Variants in ATG10 observed in about 807,000 individuals in gnomAD.
The protein encoded by ATG10 is ubiquitin-like-conjugating enzyme ATG10.
A neutral mutation model predicts 32.1 loss-of-function variants in ATG10; 30 were observed. The observed-to-expected ratio is 0.94, with a 90% CI of 0.70 to 1.27. The LOEUF is 1.27. Ranked by LOEUF, ATG10 falls within the 50% of genes most tolerant of loss-of-function variation. ATG10 has a pLI of 0.00. For synonymous variants in ATG10, 87 were observed against 91.5 expected (o/e 0.95, Z 0.28); for missense variants, 233 against 262.3 (o/e 0.89, Z 0.77).
intron 3 of ATG10, among the ~76,000 whole-genome samples, chr5:82,117,953 G>A (rs980477438): frequency 2.6e-5 from 4 of 152,054 alleles, no homozygotes; most frequent in African/African-American, 9.7e-5. Context: ...AGATAACAGA[G>A]TCATGATTGG....
intron 5 of ATG10, among the ~76,000 whole-genome samples, chr5:82,220,699 G>C (rs1745887182): frequency 6.7e-6 from 1 of 149,520 alleles, no homozygotes; most frequent in South Asian, 2.1e-4. Flanking sequence ...GCGTGATCTT[G>C]GCTCTCTGCA....
intron 3 of ATG10, among the ~76,000 whole-genome samples, chr5:82,082,683 G>A (rs944984631): frequency 1.3e-5 from 2 of 149,826 alleles, no homozygotes; most frequent in African/African-American, 4.9e-5. Context: ...TTTTTTAACT[G>A]AACTAAAATG....
At chr5:82,096,103 C>G (rs1342267959) in intron 3 of ATG10, among the ~76,000 whole-genome samples, 1 of 152,108 alleles carries the variant, frequency 6.6e-6, no homozygotes, top group Non-Finnish European at 1.5e-5. Context: ...CAAATAAAAA[C>G]ACTGGCACAT....
rs34443592 is a variant in ATG10, at chr5:82,090,062, T to TAA, written c.216+31471_216+31472dup. On this transcript the variant is annotated intron_variant, in intron 3 of 7. Transcript: ENST00000282185. ...TCACTACACACCTATCCAAATGCCT[T>TAA]AAAAAAAAAAAACCCAAAACCAAAC... Among the ~76,000 whole-genome samples the TAA allele has an allele frequency of 4.7e-3, 683 of 144,138 alleles. 2 individuals are homozygous for TAA. The highest frequency in any genetic ancestry group is 7.8e-3 in the Non-Finnish European group (515 of 65,808). The allele number at this position is 144,138 out of a possible 152,430, so 94.6% of individuals were successfully genotyped here.
chr5:82,245,048 C>T (rs1208064103), intron 5 of ATG10, among the ~76,000 whole-genome samples: 1 of 152,188 alleles, frequency 6.6e-6, no homozygotes, highest in East Asian at 1.9e-4. Context: ...TTCATTACTA[C>T]TGACAGCAGA....
chr5:82,062,536 C>T (rs960588873), intron 3 of ATG10, among the ~76,000 whole-genome samples: 9 of 152,092 alleles, frequency 5.9e-5, no homozygotes, highest in South Asian at 4.1e-4. Flanking sequence ...ATATAACAAG[C>T]GTACAGTGCT....
intron 2 of ATG10, among the ~76,000 whole-genome samples, chr5:82,007,016 G>A (rs1762002943): frequency 6.6e-6 from 1 of 152,026 alleles, no homozygotes; most frequent in Non-Finnish European, 1.5e-5. Flanking sequence ...ACCATGCCCA[G>A]CTAATTTTTG....
chr5:82,125,994 T>TC (rs1487840091), intron 3 of ATG10, among the ~76,000 whole-genome samples: 7 of 150,962 alleles, frequency 4.6e-5, no homozygotes, highest in African/African-American at 1.7e-4. Context: ...GTCCTTCACA[T>TC]CCTTTGTAAG....
chr5:82,235,028 T>C (rs1746501287), intron 5 of ATG10, among the ~76,000 whole-genome samples: 1 of 152,230 alleles, frequency 6.6e-6, no homozygotes, highest in Non-Finnish European at 1.5e-5. Context: ...GGCACGCCCC[T>C]GGAGTATGCA....
At chr5:81,974,415 C>T (rs1388996437) in intron 1 of ATG10, among the ~76,000 whole-genome samples, 1 of 152,204 alleles carries the variant, frequency 6.6e-6, no homozygotes. Flanking sequence ...TACCTGATCA[C>T]ATAGTTTTAT....
intron 2 of ATG10, among the ~76,000 whole-genome samples, chr5:82,010,490 A>G (rs1561252859): frequency 6.6e-6 from 1 of 152,136 alleles, no homozygotes; most frequent in Non-Finnish European, 1.5e-5. Context: ...TTTGAAATTC[A>G]CGGTTTGAAT....
rs184831769 is a variant in ATG10, at chr5:82,021,974, G to C, written c.108+34296G>C. On this transcript the variant is annotated intron_variant, in intron 2 of 7. Transcript: ENST00000282185. ...GGAGGCAGAGGTTGCAGTGAACCGA[G>C]ATCACGCCATTACACTCCAGCCTGG... Among the ~76,000 whole-genome samples the C allele has an allele frequency of 3.8e-3, 574 of 149,118 alleles. 8 individuals carry two copies. The highest frequency in any genetic ancestry group is 0.014 in the African/African-American group (550 of 40,342).
chr5:82,214,124 G>C (rs1745589965), intron 5 of ATG10, among the ~76,000 whole-genome samples: 1 of 152,136 alleles, frequency 6.6e-6, no homozygotes, highest in South Asian at 2.1e-4. Flanking sequence ...GCTCATACCT[G>C]CTCATACCAT....
chr5:82,045,236 C>G lies in ATG10; in HGVS notation c.109-13259C>G, dbSNP rs529090399. ...TTGTTATTCTATTATGGTTAGTTGG[C>G]CAAAGAAACACTTAATACAGAAGTA... On this transcript the variant is annotated intron_variant, in intron 2 of 7. Coordinates refer to ENST00000282185, the MANE Select transcript of ATG10 (RefSeq NM_031482.5). 3.3e-5 allele frequency among the ~76,000 whole-genome samples: 5 copies of G among 151,926 alleles called. No individual in the cohort carries two copies. The South Asian group carries it at 1.0e-3, about 32-fold the overall frequency.
At chr5:82,000,777 C>T (rs1040648490) in intron 2 of ATG10, among the ~76,000 whole-genome samples, 1 of 152,176 alleles carries the variant, frequency 6.6e-6, no homozygotes, top group Admixed American at 6.5e-5. Flanking sequence ...CTGCCTCAGC[C>T]TCCTGCATAG....
intron 2 of ATG10, among the ~76,000 whole-genome samples, chr5:82,048,407 G>C (rs530265384): frequency 3.3e-5 from 5 of 151,204 alleles, no homozygotes; most frequent in Admixed American, 2.0e-4. Flanking sequence ...GCAGTGGTTT[G>C]TAGTTCTCCT....
intron 3 of ATG10, among the ~76,000 whole-genome samples, chr5:82,135,322 G>A (rs892902270): frequency 6.6e-5 from 10 of 152,222 alleles, no homozygotes; most frequent in Non-Finnish European, 7.4e-5. Flanking sequence ...ATGTTAAGGT[G>A]TCAATTTTAG....
At chr5:82,196,333 T>A (rs913486450) in intron 5 of ATG10, among the ~76,000 whole-genome samples, 1 of 152,194 alleles carries the variant, frequency 6.6e-6, no homozygotes, top group African/African-American at 2.4e-5. Flanking sequence ...CCATTGGTTG[T>A]CTTTTCCCTC....
intron 4 of ATG10, among the ~76,000 whole-genome samples, chr5:82,173,043 C>A (rs1390452404): frequency 6.6e-6 from 1 of 152,128 alleles, no homozygotes; most frequent in Non-Finnish European, 1.5e-5. Flanking sequence ...TGAATAATGA[C>A]ATTTTTTGTT....
Sources: gnomAD v4.1 joint callset for allele counts (sites outside exome capture counted in the v4.1 genomes callset) on GRCh38, gnomAD v4.1.1 for gene constraint, MANE v1.5 for transcripts, NCBI Gene and HGNC (gene_info 2026-07-23, HGNC 2026-07-21) for gene names.